ANK1: variants seen among roughly 807,000 people sequenced by gnomAD.
The protein encoded by ANK1 is ankyrin-1.
ANK1 carries 51 observed loss-of-function variants against 210.4 expected under a neutral mutation model. That is an observed-to-expected ratio of 0.24 (90% CI 0.19 to 0.31). The LOEUF (loss-of-function observed/expected upper bound fraction) is 0.31. Among genes scored for constraint, ANK1 ranks in the 10% least tolerant of loss-of-function variants. The pLI, the probability that ANK1 is intolerant of heterozygous loss-of-function variation, is 1.00. For synonymous variants in ANK1, 967 were observed against 1,025.9 expected (o/e 0.94, Z 1.10); for missense variants, 2,051 against 2,504.4 (o/e 0.82, Z 3.86).
chr8:41,742,979 C>T (rs1190701712), intron 2 of ANK1, among the ~76,000 whole-genome samples: 1 of 152,136 alleles, frequency 6.6e-6, no homozygotes, highest in African/African-American at 2.4e-5. Flanking sequence ...TTTGGATTCT[C>T]TGTTGAGTTA....
chr8:41,690,017 T>C (rs1185772853), intron 33 of ANK1, among the ~76,000 whole-genome samples: 1 of 152,200 alleles, frequency 6.6e-6, no homozygotes, highest in Non-Finnish European at 1.5e-5. Context: ...AGCACTGCAC[T>C]GCAAATTGCA....
Position 41,814,899 on chromosome 8 carries a change from T to C in ANK1, c.127-56762A>G, listed in dbSNP as rs79666688. Among the ~76,000 whole-genome samples the C allele has an allele frequency of 3.5e-3, 538 of 152,278 alleles. 2 individuals are homozygous for C. Among genetic ancestry groups the C allele is most frequent in the African/African-American group, 0.011 (469 of 41,570 alleles). On this transcript the variant is annotated intron_variant, in intron 1 of 42. Coordinates refer to the ANK1 transcript ENST00000265709. Reference sequence around the variant, plus strand: ...ATTTCCTACTTGATAATGCTTTCCATGCCAATGTAACATAAAATAAGGCCA... The same window carrying C: ...ATTTCCTACTTGATAATGCTTTCCACGCCAATGTAACATAAAATAAGGCCA...
intron 1 of ANK1, among the ~76,000 whole-genome samples, chr8:41,792,050 G>A (rs1847845112): frequency 6.6e-6 from 1 of 152,194 alleles, no homozygotes; most frequent in South Asian, 2.1e-4. Flanking sequence ...CAGCTGCTCA[G>A]CCGGGCCCAT....
intron 2 of ANK1, among the ~76,000 whole-genome samples, chr8:41,740,075 G>C (rs1361436577): frequency 6.6e-6 from 1 of 151,458 alleles, no homozygotes; most frequent in Non-Finnish European, 1.5e-5. Flanking sequence ...AGCAAAACCT[G>C]TCTCACTTGC....
intron 16 of ANK1, among the ~76,000 whole-genome samples, chr8:41,711,437 A>T (rs1485501186): frequency 6.6e-6 from 1 of 152,208 alleles, no homozygotes; most frequent in Admixed American, 6.5e-5. Flanking sequence ...TCATGTTAAA[A>T]GAGATCATAA....
At chr8:41,824,926 T>C (rs1399753315) in intron 1 of ANK1, among the ~76,000 whole-genome samples, 16 of 152,130 alleles carry the variant, frequency 1.1e-4, no homozygotes. Context: ...GTTCTAGAGG[T>C]GGGGTCCACT....
intron 1 of ANK1, among the ~76,000 whole-genome samples, chr8:41,831,411 G>T (rs781450676): frequency 3.3e-5 from 5 of 152,180 alleles, no homozygotes; most frequent in Non-Finnish European, 7.3e-5. Context: ...ACTTTGGGAG[G>T]CCAAGGTGGG....
At chr8:41,833,284 C>G (rs1355430922) in intron 1 of ANK1, among the ~76,000 whole-genome samples, 1 of 152,206 alleles carries the variant, frequency 6.6e-6, no homozygotes, top group African/African-American at 2.4e-5. Context: ...CCAGTCACCC[C>G]TGGTGGCCCA....
chr8:41,694,014 C>T lies in ANK1; in HGVS notation c.3416G>A (p.Arg1139Gln), dbSNP rs911722560. 8 of 1,613,890 alleles carry T rather than the reference C, an allele frequency of 5.0e-6. No individual in the cohort carries two copies. Among genetic ancestry groups the T allele is most frequent in the African/African-American group, 1.3e-5 (1 of 74,926 alleles). ...SPIVTVEPRR[R>Q]KFHRPIGLRI... ...AAGCCCAATGGGGCGGTGGAACTTC[C>T]GGCGCCGGGGCTCCACGGTGACAAT... Residue 1139 changes from arginine to glutamine, a missense_variant, in exon 29 of 43, where the codon CGG becomes CAG. This residue lies in a region of ANK1 where 1,413 missense variants were observed against 1,707.4 expected (regional missense o/e 0.83). Coordinates refer to ENST00000289734, the MANE Select transcript of ANK1 (RefSeq NM_000037.4). This position sits in a 1 kb window ranked among gnomAD's most constrained non-coding sequence, Gnocchi z 5.7.
At chr8:41,745,022 C>T (rs1402335353) in intron 2 of ANK1, among the ~76,000 whole-genome samples, 2 of 152,084 alleles carry the variant, frequency 1.3e-5, no homozygotes, top group African/African-American at 4.8e-5. Flanking sequence ...AAATATCTTC[C>T]TGGAGAGATT....
chr8:41,836,492 C>G, intron 1 of ANK1, among the ~76,000 whole-genome samples: 1 of 152,220 alleles, frequency 6.6e-6, no homozygotes, highest in East Asian at 1.9e-4. Context: ...CACCGCCCAG[C>G]AATGTGGCCG....
At chr8:41,895,345 G>A (rs945416058) in intron 1 of ANK1, among the ~76,000 whole-genome samples, 15 of 149,636 alleles carry the variant, frequency 1.0e-4, no homozygotes, top group African/African-American at 3.6e-4. Flanking sequence ...CAGCATCTCC[G>A]ATTCCCAGAA....
rs1000958012 is a variant in ANK1 at position 41,684,353 on chromosome 8, G to A, written c.4537+191C>T. On this transcript the variant is annotated intron_variant, in intron 37 of 42. Coordinates refer to ENST00000289734, the MANE Select transcript of ANK1 (RefSeq NM_000037.4). ...GGAGGCGATGCCCACCTGCACAGGA[G>A]CAGCCATCTCTCTCTCCTTCGCCTC... The A allele has an allele frequency of 8.2e-5, 76 of 931,556 alleles. No individual in the cohort carries two copies. In the Middle Eastern group the frequency reaches 8.7e-4, roughly 11 times the overall value. The allele number at this position is 931,556 out of a possible 1,614,324, so 57.7% of individuals were successfully genotyped here.
In ANK1 at chr8:41,688,136, G is replaced by T. The variant is rs780338362; in HGVS notation, c.4258+20C>A. ...GGTGAGATGGACAAAGTGCTTTTCT[G>T]CCCCCAATTCCCCACTCACCTGCCC... On this transcript the variant is annotated intron_variant, in intron 35 of 42. Transcript: ENST00000289734. 6.2e-7 allele frequency: 1 copy of T among 1,612,958 alleles called. No individual in the cohort carries two copies. The highest frequency in any genetic ancestry group is 1.1e-5 in the South Asian group (1 of 91,052).
At chr8:41,862,444 C>A (rs1418884464) in intron 1 of ANK1, among the ~76,000 whole-genome samples, 1 of 152,076 alleles carries the variant, frequency 6.6e-6, no homozygotes, top group Non-Finnish European at 1.5e-5. Context: ...CCCAGGTGGA[C>A]CTGCTGATTC....
At chr8:41,792,393 C>A (rs972753824) in intron 1 of ANK1, among the ~76,000 whole-genome samples, 11 of 152,206 alleles carry the variant, frequency 7.2e-5, no homozygotes, top group African/African-American at 2.7e-4. Context: ...ATTTTCCAGA[C>A]CTTCCCGACA....
At chr8:41,890,688 G>A (rs1245639252) in intron 1 of ANK1, among the ~76,000 whole-genome samples, 6 of 132,242 alleles carry the variant, frequency 4.5e-5, no homozygotes, top group Non-Finnish European at 7.6e-5. Flanking sequence ...CAGCCTGGGT[G>A]ACAGAGCGAG....
At chr8:41,701,432 T>C (rs2150605644) in intron 22 of ANK1, 118 bp downstream of exon 22, 1 of 872,466 alleles carries the variant, frequency 1.1e-6, no homozygotes, top group Non-Finnish European at 1.9e-6. Flanking sequence ...TCAGTGTCCA[T>C]CTATAGTGCT....
chr8:41,782,671 T>C (rs531359751), intron 1 of ANK1, among the ~76,000 whole-genome samples: 2 of 152,306 alleles, frequency 1.3e-5, no homozygotes, highest in Admixed American at 1.3e-4. Flanking sequence ...ATTCTAAGCA[T>C]TTTATTTGAA....
Sources: allele counts gnomAD v4.1 joint callset (sites outside exome capture counted in the v4.1 genomes callset), GRCh38; gene constraint gnomAD v4.1.1; regional missense constraint gnomAD v4.1.1; non-coding constraint Gnocchi (gnomAD v3.1); transcripts MANE v1.5; gene names NCBI Gene and HGNC (gene_info 2026-07-23, HGNC 2026-07-21).